Variants in CTNNA2 observed in about 807,000 individuals in gnomAD.
CTNNA2 encodes catenin alpha-2.
A neutral mutation model predicts 101.0 loss-of-function variants in CTNNA2; 42 were observed. The ratio of observed to expected loss-of-function variants is 0.42; its 90% CI spans 0.32 to 0.54. The LOEUF is 0.54. Ranked by LOEUF, CTNNA2 falls within the 20% of genes least tolerant of loss-of-function variation. CTNNA2 has a pLI of 0.14. For missense variants in CTNNA2, 871 were observed against 1,223.1 expected, an observed-to-expected ratio of 0.71 and a Z score of 4.29; for synonymous variants, 450 against 456.4, an observed-to-expected ratio of 0.99 and a Z score of 0.18.
chr2:79,573,811 A>G (rs969311687), intron 1 of CTNNA2: 2 of 152,210 alleles, frequency 1.3e-5, no homozygotes, highest in African/African-American at 2.4e-5. Flanking sequence ...AATTGGTGGT[A>G]TAAGGCCTAC....
At chr2:79,759,890 A>G (rs1168451656) in intron 3 of CTNNA2, among the ~76,000 whole-genome samples, 7 of 152,218 alleles carry the variant, frequency 4.6e-5, no homozygotes, top group Admixed American at 4.6e-4. Context: ...CAGTTGCTTA[A>G]ATCAATAGTG....
intron 7 of CTNNA2, among the ~76,000 whole-genome samples, chr2:80,110,275 C>T (rs1202866602): frequency 6.6e-6 from 1 of 152,174 alleles, no homozygotes; most frequent in Non-Finnish European, 1.5e-5. Context: ...TTTCCAGAAA[C>T]TGGGCTGGGC....
intron 3 of CTNNA2, among the ~76,000 whole-genome samples, chr2:79,340,415 G>A (rs1229326272): frequency 1.3e-5 from 2 of 152,180 alleles, no homozygotes; most frequent in East Asian, 1.9e-4. Flanking sequence ...GTTGGCAGGT[G>A]CAGTAAACTA....
At chr2:79,563,189 T>TATA (rs879673133) in intron 1 of CTNNA2, among the ~76,000 whole-genome samples, 4,138 of 40,204 alleles carry the variant, frequency 0.1, 126 homozygotes, top group African/African-American at 0.15. Context: ...ATATATATAT[T>TATA]TTCCTTCATT....
At chr2:79,824,091 C>T (rs1449607088) in intron 3 of CTNNA2, among the ~76,000 whole-genome samples, 2 of 152,062 alleles carry the variant, frequency 1.3e-5, no homozygotes, top group African/African-American at 4.8e-5. Context: ...CAAGCACAGC[C>T]CAGACTTTAT....
intron 3 of CTNNA2, among the ~76,000 whole-genome samples, chr2:79,852,477 C>T (rs1680794788): frequency 6.6e-6 from 1 of 152,228 alleles, no homozygotes; most frequent in Admixed American, 6.5e-5. Context: ...CCTTTTTCTT[C>T]ATTTTCATTC....
At chr2:80,150,133 T>A (rs1438276460) in intron 7 of CTNNA2, among the ~76,000 whole-genome samples, 1 of 152,184 alleles carries the variant, frequency 6.6e-6, no homozygotes, top group African/African-American at 2.4e-5. Context: ...TGGTCACGCC[T>A]GCATTACTGC....
Position 80,303,411 on chromosome 2 carries a change from G to T in CTNNA2, c.1057-89800G>T. ...GAGAGGTCCACGCTGCGCAGGTTGGGCATGGGCCGGAAGGTGGTGTTGGGC... is the reference window on the plus strand; with the variant it reads ...GAGAGGTCCACGCTGCGCAGGTTGGTCATGGGCCGGAAGGTGGTGTTGGGC... On this transcript the variant is annotated intron_variant, in intron 7 of 18. Coordinates refer to ENST00000402739, the MANE Select transcript of CTNNA2 (RefSeq NM_001282597.3). This position sits in a 1 kb window ranked among gnomAD's most constrained non-coding sequence, Gnocchi z 7.7. 1.2e-6 allele frequency: 2 copies of T among 1,614,192 alleles called. No individual in the cohort carries two copies. The highest frequency in any genetic ancestry group is 1.7e-6 in the Non-Finnish European group (2 of 1,180,038).
At chr2:79,886,103 C>T (rs1478482345) in intron 6 of CTNNA2, among the ~76,000 whole-genome samples, 2 of 152,244 alleles carry the variant, frequency 1.3e-5, no homozygotes, top group East Asian at 3.9e-4. Context: ...CTGCTGCATA[C>T]GCTTACGTAT....
At chr2:79,477,871 C>T (rs1409864173) in intron 4 of CTNNA2, among the ~76,000 whole-genome samples, 1 of 152,222 alleles carries the variant, frequency 6.6e-6, no homozygotes, top group Non-Finnish European at 1.5e-5. Context: ...TTTCCACATA[C>T]TTCCTTTAAC....
intron 7 of CTNNA2, among the ~76,000 whole-genome samples, chr2:80,119,514 A>G (rs999628120): frequency 1.3e-5 from 2 of 152,202 alleles, no homozygotes; most frequent in Admixed American, 6.5e-5. Context: ...TGATATGTTC[A>G]TGTAGGTGTG....
At chr2:80,119,491 C>A (rs1487607023) in intron 7 of CTNNA2, among the ~76,000 whole-genome samples, 4 of 152,024 alleles carry the variant, frequency 2.6e-5, no homozygotes, top group Non-Finnish European at 5.9e-5. Flanking sequence ...CTAATGATGT[C>A]CATCATTAGT....
chr2:79,712,295 C>A (rs1368957973), intron 2 of CTNNA2, among the ~76,000 whole-genome samples: 1 of 152,176 alleles, frequency 6.6e-6, no homozygotes, highest in Non-Finnish European at 1.5e-5. Context: ...CTAGAAAAAA[C>A]CCTTTGCTTC....
intron 3 of CTNNA2, among the ~76,000 whole-genome samples, chr2:79,843,735 G>T (rs890875504): frequency 2.6e-5 from 4 of 152,124 alleles, no homozygotes; most frequent in Non-Finnish European, 5.9e-5. Context: ...AGTTGAAAAC[G>T]AACTTTCCCT....
chr2:79,819,924 T>C (rs1677870129), intron 3 of CTNNA2, among the ~76,000 whole-genome samples: 1 of 151,922 alleles, frequency 6.6e-6, no homozygotes, highest in Admixed American at 6.6e-5. Flanking sequence ...TATATATTCA[T>C]AATAATTAAA....
At chr2:79,346,970 T>C (rs1028148780) in intron 3 of CTNNA2, among the ~76,000 whole-genome samples, 1 of 152,016 alleles carries the variant, frequency 6.6e-6, no homozygotes, top group African/African-American at 2.4e-5. Flanking sequence ...GGAGGAGAGG[T>C]TGAAAACTAC....
At chr2:80,390,846 A>G (rs939477256) in intron 7 of CTNNA2, among the ~76,000 whole-genome samples, 8 of 152,128 alleles carry the variant, frequency 5.3e-5, no homozygotes, top group African/African-American at 1.9e-4. Context: ...AAAATATTAC[A>G]TTAGGTCGGG....
chr2:79,467,383 G>A (rs1670948584), intron 4 of CTNNA2, among the ~76,000 whole-genome samples: 1 of 152,208 alleles, frequency 6.6e-6, no homozygotes, highest in African/African-American at 2.4e-5. Flanking sequence ...TATGTGAAAA[G>A]ACCAAATCTA....
chr2:79,449,197 T>C (rs1458423537), intron 4 of CTNNA2, among the ~76,000 whole-genome samples: 2 of 152,032 alleles, frequency 1.3e-5, no homozygotes. Flanking sequence ...GAGGACTTTG[T>C]GAGCTTATCA....
Sources: gnomAD v4.1 joint callset for allele counts (sites outside exome capture counted in the v4.1 genomes callset) on GRCh38, gnomAD v4.1.1 for gene constraint, Gnocchi (gnomAD v3.1) non-coding constraint, MANE v1.5 for transcripts, NCBI Gene and HGNC (gene_info 2026-07-23, HGNC 2026-07-21) for gene names.